SEMA3D: variants seen among roughly 807,000 people sequenced by gnomAD.
SEMA3D encodes semaphorin 3D, also known as semaphorin-3D.
SEMA3D carries 84 observed loss-of-function variants against 100.1 expected under a neutral mutation model. That is an observed-to-expected ratio of 0.84 (90% CI 0.70 to 1.01). The LOEUF is 1.01. SEMA3D is among the 50% of genes least tolerant of loss of function. The pLI is 0.00. For synonymous variants in SEMA3D, 312 were observed against 320.7 expected, an observed-to-expected ratio of 0.97 and a Z score of 0.29; for missense variants, 875 against 934.1, an observed-to-expected ratio of 0.94 and a Z score of 0.82.
chr7:85,048,346 C>G (rs1052809510), intron 9 of SEMA3D, among the ~76,000 whole-genome samples: 2 of 151,716 alleles, frequency 1.3e-5, no homozygotes, highest in African/African-American at 4.8e-5. Context: ...TACAAATGAT[C>G]TGCATGGGGC....
At chr7:85,110,363 A>G (rs1789058866) in intron 3 of SEMA3D, among the ~76,000 whole-genome samples, 1 of 151,948 alleles carries the variant, frequency 6.6e-6, no homozygotes, top group Admixed American at 6.6e-5. Context: ...TTAGATCTGA[A>G]CATCAGTTTT....
intron 9 of SEMA3D, 72 bp downstream of exon 9, chr7:85,055,645 C>T (rs867737043): frequency 0.013 from 2,093 of 159,330 alleles, 83 homozygotes; most frequent in African/African-American, 0.055. Flanking sequence ...TTTTCATATA[C>T]ATATATATAT....
At chr7:85,154,762 G>A (rs1303157770) in intron 1 of SEMA3D, among the ~76,000 whole-genome samples, 1 of 152,116 alleles carries the variant, frequency 6.6e-6, no homozygotes, top group Admixed American at 6.6e-5. Context: ...AACACAAGGT[G>A]ATAAGTCTAG....
intron 2 of SEMA3D, among the ~76,000 whole-genome samples, chr7:85,139,091 G>A (rs1789967872): frequency 6.6e-6 from 1 of 151,968 alleles, no homozygotes; most frequent in East Asian, 1.9e-4. Context: ...AATTCAGATA[G>A]AGGAAAAAAT....
chr7:85,140,069 T>A (rs1790000072), intron 2 of SEMA3D: 7 of 424,870 alleles, frequency 1.6e-5, no homozygotes, highest in Non-Finnish European at 2.2e-5. Flanking sequence ...TACTATTAAT[T>A]ACATTAATAT....
intron 3 of SEMA3D, among the ~76,000 whole-genome samples, chr7:85,105,887 G>C (rs867656637): frequency 4.6e-5 from 7 of 152,016 alleles, no homozygotes; most frequent in Non-Finnish European, 1.5e-5. Context: ...TGGAGTAGGA[G>C]TGTGGCAATT....
At chr7:85,193,533 G>T in the SEMA3D span, among the ~76,000 whole-genome samples, 2 of 152,074 alleles carry the variant, frequency 1.3e-5, no homozygotes, top group Admixed American at 1.3e-4. Context: ...TTTTATCAGA[G>T]CCTAAGTAAC....
At chr7:85,166,787 G>A (rs1307701418) in intron 1 of SEMA3D, among the ~76,000 whole-genome samples, 1 of 151,702 alleles carries the variant, frequency 6.6e-6, no homozygotes, top group Non-Finnish European at 1.5e-5. Flanking sequence ...AAGAAAAGAG[G>A]TTCAGTGAGT....
At chr7:85,047,808 G>A (rs1403003291) in intron 9 of SEMA3D, among the ~76,000 whole-genome samples, 4 of 151,856 alleles carry the variant, frequency 2.6e-5, no homozygotes, top group African/African-American at 9.7e-5. Context: ...TGATGCTGGA[G>A]TTAGAGGTTA....
At chr7:85,157,237 TAATA>T (rs1158622503) in intron 1 of SEMA3D, among the ~76,000 whole-genome samples, 4 of 152,310 alleles carry the variant, frequency 2.6e-5, no homozygotes, top group East Asian at 1.9e-4. Flanking sequence ...ATGTGGCAGT[TAATA>T]AATAAATTAT....
At chr7:85,033,794 C>T (rs1381686229) in intron 12 of SEMA3D, among the ~76,000 whole-genome samples, 1 of 151,038 alleles carries the variant, frequency 6.6e-6, no homozygotes, top group African/African-American at 2.4e-5. Flanking sequence ...ATATTTAACC[C>T]CAAAGTATTA....
At chr7:85,121,598 G>A (rs190786997) in intron 3 of SEMA3D, 143 bp downstream of exon 3, 119 of 524,598 alleles carry the variant, frequency 2.3e-4, no homozygotes, top group African/African-American at 8.0e-4. Context: ...ATTGGGCTTC[G>A]TGTTCTATAA....
chr7:85,234,604 T>C, the SEMA3D span, among the ~76,000 whole-genome samples: 2 of 152,082 alleles, frequency 1.3e-5, no homozygotes, highest in African/African-American at 4.8e-5. Flanking sequence ...CAATAAAAGC[T>C]CAGAAAAATT....
At chr7:85,247,845 A>G in the SEMA3D span, among the ~76,000 whole-genome samples, 2 of 152,146 alleles carry the variant, frequency 1.3e-5, no homozygotes, top group Non-Finnish European at 2.9e-5. Context: ...GATATCTGGA[A>G]ACAAGAAAAT....
In SEMA3D at chr7:85,019,332, T is replaced by G. The variant is rs1021616567; in HGVS notation, c.1503+901A>C. 3.3e-5 allele frequency among the ~76,000 whole-genome samples: 5 copies of G among 151,708 alleles called. No individual in the cohort carries two copies. In the South Asian group the frequency reaches 1.0e-3, roughly 31 times the overall value. ...TCTGGGTTCACACTTATGTTTGACATCTGGCCTTCCCCTAGGAACCACCCA... is the reference window on the plus strand; with the variant it reads ...TCTGGGTTCACACTTATGTTTGACAGCTGGCCTTCCCCTAGGAACCACCCA... On this transcript the variant is annotated intron_variant, in intron 14 of 18. Coordinates refer to ENST00000284136, the MANE Select transcript of SEMA3D (RefSeq NM_001384900.1).
intron 4 of SEMA3D, 134 bp downstream of exon 4, chr7:85,097,671 T>A: frequency 2.1e-6 from 1 of 480,458 alleles, no homozygotes; most frequent in South Asian, 5.6e-5. Flanking sequence ...ATATATTCTT[T>A]ATGCTGCTTT....
At chr7:85,147,662 T>C (rs1790255755) in intron 2 of SEMA3D, among the ~76,000 whole-genome samples, 1 of 152,158 alleles carries the variant, frequency 6.6e-6, no homozygotes, top group Non-Finnish European at 1.5e-5. Context: ...GAATCAATTT[T>C]TTCAAGTACC....
chr7:85,185,330 C>G (rs887898953), intron 1 of SEMA3D, among the ~76,000 whole-genome samples: 2 of 152,090 alleles, frequency 1.3e-5, no homozygotes, highest in East Asian at 3.9e-4. Context: ...TCCTCCCCCT[C>G]GTCTCTGCGC....
At chr7:85,027,372 C>T (rs1175676593) in intron 12 of SEMA3D, among the ~76,000 whole-genome samples, 2 of 151,944 alleles carry the variant, frequency 1.3e-5, no homozygotes, top group Non-Finnish European at 2.9e-5. Context: ...ACAATAAAGG[C>T]CCTACAGCAA....
Sources: gnomAD v4.1 joint callset for allele counts (sites outside exome capture counted in the v4.1 genomes callset) on GRCh38, gnomAD v4.1.1 for gene constraint, MANE v1.5 for transcripts, NCBI Gene and HGNC (gene_info 2026-07-23, HGNC 2026-07-21) for gene names.